The following FBXO38 variants were observed in gnomAD, a reference collection of about 807,000 sequenced individuals.
The protein encoded by FBXO38 is F-box protein 38, also known as F-box only protein 38.
FBXO38 carries 53 observed loss-of-function variants against 131.9 expected under a neutral mutation model. The observed-to-expected ratio is 0.40, with a 90% confidence interval of 0.32 to 0.51. The LOEUF (loss-of-function observed/expected upper bound fraction) is 0.51, where lower values mean the gene tolerates loss of function less well. Among genes scored for constraint, FBXO38 ranks in the 20% least tolerant of loss-of-function variants. The pLI, the probability that FBXO38 is intolerant of heterozygous loss-of-function variation, is 0.53. For missense variants in FBXO38, 1,076 were observed against 1,475.6 expected, an observed-to-expected ratio of 0.73 and a Z score of 4.44; for synonymous variants, 452 against 505.6, an observed-to-expected ratio of 0.89 and a Z score of 1.42.
At chr5:148,387,690 C>A (rs374720905) in intron 1 of FBXO38, among the ~76,000 whole-genome samples, 16 of 126,704 alleles carry the variant, frequency 1.3e-4, no homozygotes, top group African/African-American at 2.7e-4. Context: ...GAATTTATTT[C>A]TTTTTTTTTT....
chr5:148,398,703 T>G (rs1751965999), intron 2 of FBXO38, among the ~76,000 whole-genome samples: 1 of 151,986 alleles, frequency 6.6e-6, no homozygotes, highest in South Asian at 2.1e-4. Flanking sequence ...CTTTTCTTTG[T>G]TTTTCTGGTT....
At chr5:148,424,985 A>G (rs1248949918) in intron 13 of FBXO38, among the ~76,000 whole-genome samples, 1 of 152,226 alleles carries the variant, frequency 6.6e-6, no homozygotes, top group African/African-American at 2.4e-5. Flanking sequence ...ACATAAATAC[A>G]CATATTCAAC....
rs776171713 is a variant in FBXO38 at position 148,433,592 on chromosome 5, A to G, written c.2755-43A>G. 12 of 1,551,720 alleles carry G rather than the reference A, an allele frequency of 7.7e-6. No homozygotes were observed. The East Asian group carries it at 2.3e-4, about 29-fold the overall frequency. On this transcript the variant is annotated intron_variant, in intron 16 of 21. Coordinates refer to ENST00000340253, the MANE Select transcript of FBXO38 (RefSeq NM_205836.3). ...AGTTCCTAAATAATGCACATAAACT[A>G]AAGTTTGTATCTTTATATAGTTTCT...
chr5:148,439,845 G>A lies in FBXO38; in HGVS notation c.3170+53G>A, dbSNP rs1208741226. On this transcript the variant is annotated intron_variant, in intron 19 of 21. Coordinates refer to ENST00000340253, the MANE Select transcript of FBXO38 (RefSeq NM_205836.3). ...CTTTTGAGTCATTTCTCATAGCAGG[G>A]ACTCCCAGAAGCAAATCCCAATTTT... 7 of 1,570,162 alleles carry A rather than the reference G, an allele frequency of 4.5e-6. No individual in the cohort carries two copies. In the Admixed American group the frequency reaches 1.2e-4, roughly 28 times the overall value.
chr5:148,431,778 G>A lies in FBXO38; in HGVS notation c.2654-1646G>A, dbSNP rs538114147. ...CAGGATACTGTGGGAGAAGGCCTAC[G>A]TTGTGTTGTGTGGTCAATAGTCTTC... On this transcript the variant is annotated intron_variant, in intron 15 of 21. Coordinates refer to ENST00000340253, the MANE Select transcript of FBXO38 (RefSeq NM_205836.3). 4.6e-5 allele frequency among the ~76,000 whole-genome samples: 7 copies of A among 152,312 alleles called. No individual in the cohort carries two copies. The South Asian group carries it at 6.2e-4, about 14-fold the overall frequency.
At chr5:148,421,267 A>G (rs1297506585) in intron 12 of FBXO38, among the ~76,000 whole-genome samples, 1 of 152,082 alleles carries the variant, frequency 6.6e-6, no homozygotes, top group African/African-American at 2.4e-5. Context: ...CCCGGCCAAG[A>G]ATTTGAATTT....
chr5:148,438,211 C>G, intron 17 of FBXO38, 121 bp from the exon 18 acceptor site: 2 of 838,668 alleles, frequency 2.4e-6, no homozygotes, highest in South Asian at 2.0e-5. Flanking sequence ...GATTTGTACT[C>G]TATGATATTA....
In FBXO38 at chr5:148,439,804, T is replaced by C. The variant is rs1391355922; in HGVS notation, c.3170+12T>C. The C allele has an allele frequency of 2.5e-6, 4 of 1,613,080 alleles. No homozygotes were observed. The highest frequency in any genetic ancestry group is 3.4e-6 in the Non-Finnish European group (4 of 1,179,506). ...GCAAACATCAATCAGTAAGTAACTT[T>C]GTGGCCCTTAAAGGCCTTTTGAGTC... On this transcript the variant is annotated intron_variant, in intron 19 of 21. Transcript: ENST00000340253.
chr5:148,411,368 T>C (rs987673919), intron 9 of FBXO38, among the ~76,000 whole-genome samples: 8 of 152,236 alleles, frequency 5.3e-5, no homozygotes, highest in Non-Finnish European at 1.0e-4. Context: ...TATTTTTCCA[T>C]ATGGCATCAA....
intron 7 of FBXO38, 119 bp from the exon 8 acceptor site, chr5:148,409,005 C>A: frequency 1.7e-6 from 1 of 587,490 alleles, no homozygotes; most frequent in Non-Finnish European, 3.1e-6. Flanking sequence ...AAAAACAAAG[C>A]TTAGATTTAC....
At position 148,417,118 on chromosome 5, in the gene FBXO38, A is replaced by G; in HGVS notation, c.1532A>G (p.Asn511Ser). Reference protein sequence around the residue: ...AQNNNANIHDNNHHHPDDSDE... With the variant: ...AQNNNANIHDSNHHHPDDSDE... ...AATAACAATGCCAACATCCACGACAACAATCACCATCATCCAGATGACTCA... is the reference window on the plus strand; with the variant it reads ...AATAACAATGCCAACATCCACGACAGCAATCACCATCATCCAGATGACTCA... Residue 511 changes from asparagine to serine, a missense_variant, in exon 12 of 22, where the codon AAC (asparagine) becomes AGC (serine). Around this residue, in one of 8 missense-constraint regions of FBXO38, gnomAD observed 212 missense variants for 221.2 expected, o/e 0.96. Coordinates refer to ENST00000340253, the MANE Select transcript of FBXO38 (RefSeq NM_205836.3). 1 of 1,612,290 alleles carries G rather than the reference A, an allele frequency of 6.2e-7. No individual in the cohort carries two copies. The highest frequency in any genetic ancestry group is 8.5e-7 in the Non-Finnish European group (1 of 1,178,360).
At chr5:148,422,933 A>C (rs1352345629) in intron 12 of FBXO38, among the ~76,000 whole-genome samples, 1 of 151,560 alleles carries the variant, frequency 6.6e-6, no homozygotes, top group African/African-American at 2.4e-5. Flanking sequence ...TCGCATCTCT[A>C]TCACAACACA....
intron 2 of FBXO38, among the ~76,000 whole-genome samples, chr5:148,396,563 C>T (rs3925019): frequency 9.2e-5 from 14 of 152,054 alleles, no homozygotes; most frequent in Admixed American, 3.3e-4. Flanking sequence ...TCTTTAAGAA[C>T]ACATAGGTAA....
chr5:148,393,641 T>C (rs961743122), intron 1 of FBXO38, among the ~76,000 whole-genome samples: 1 of 152,124 alleles, frequency 6.6e-6, no homozygotes, highest in African/African-American at 2.4e-5. Context: ...TATTTAATTG[T>C]GTATCTCCAC....
rs60593654 is a variant in FBXO38 at position 148,393,188 on chromosome 5, GGTGTGTGTGT to G, written c.-63-1488_-63-1479del. On this transcript the variant is annotated intron_variant, in intron 1 of 21. Coordinates refer to ENST00000340253, the MANE Select transcript of FBXO38 (RefSeq NM_205836.3). ...TACTGGTTAGAAACAACAGAAGAGG[GGTGTGTGTGT>G]GTGTGTGTGTGTGTGTGTGTGTGTG... is the stretch of plus-strand genomic sequence containing the variant. Among the ~76,000 whole-genome samples the G allele has an allele frequency of 1.9e-3, 239 of 127,082 alleles. 1 individual carries two copies. The highest frequency in any genetic ancestry group is 5.3e-3 in the African/African-American group (175 of 32,840). 83.4% of individuals were successfully genotyped at this position (127,082 alleles called of 152,430 possible). A position where few individuals can be genotyped will look rare whatever the true frequency, so the allele number is the denominator to read the frequency against.
chr5:148,385,375 A>G (rs529210395), intron 1 of FBXO38, among the ~76,000 whole-genome samples: 1 of 152,356 alleles, frequency 6.6e-6, no homozygotes, highest in East Asian at 1.9e-4. Flanking sequence ...ACTAGATTCC[A>G]GTAAGATAGG....
At chr5:148,426,399 A>G (rs1208888922) in intron 14 of FBXO38, among the ~76,000 whole-genome samples, 1 of 152,208 alleles carries the variant, frequency 6.6e-6, no homozygotes, top group Non-Finnish European at 1.5e-5. Context: ...ATGTAGTACT[A>G]TTATCTGGAA....
chr5:148,438,520 C>T (rs1057458272), intron 18 of FBXO38, 22 bp downstream of exon 18: 4 of 1,602,322 alleles, frequency 2.5e-6, no homozygotes, highest in East Asian at 2.2e-5. Context: ...TGCTTCTTTC[C>T]GATGATACAC....
chr5:148,386,283 A>G (rs1019305444), intron 1 of FBXO38, among the ~76,000 whole-genome samples: 2 of 152,164 alleles, frequency 1.3e-5, no homozygotes, highest in African/African-American at 4.8e-5. Context: ...TGATGATAGA[A>G]TGTTTACTGT....
Sources: gnomAD v4.1 joint callset for allele counts (sites outside exome capture counted in the v4.1 genomes callset) on GRCh38, gnomAD v4.1.1 for gene constraint, gnomAD v4.1.1 regional missense constraint, MANE v1.5 for transcripts, NCBI Gene and HGNC (gene_info 2026-07-23, HGNC 2026-07-21) for gene names.